The following ASB16 variants were observed in gnomAD, a reference collection of about 807,000 sequenced individuals.
ASB16 encodes ankyrin repeat and SOCS box containing 16, also known as ankyrin repeat and SOCS box protein 16.
Under a neutral mutation model 39.1 loss-of-function variants are expected in ASB16, and 44 were observed. The observed-to-expected ratio is 1.13, with a 90% CI of 0.88 to 1.45. The LOEUF is 1.45. Ranked by LOEUF, ASB16 falls within the 40% of genes most tolerant of loss-of-function variation. The pLI, the probability that ASB16 is intolerant of heterozygous loss-of-function variation, is 0.00. For synonymous variants in ASB16, 305 were observed against 286.7 expected, an observed-to-expected ratio of 1.06 and a Z score of -0.64; for missense variants, 698 against 634.5, an observed-to-expected ratio of 1.10 and a Z score of -1.07.
chr17:44,176,820 G>A lies in ASB16; in HGVS notation c.652G>A (p.Ala218Thr), dbSNP rs751695008. The A allele has an allele frequency of 6.2e-7, 1 of 1,613,042 alleles. No homozygotes were observed. Among genetic ancestry groups the A allele is most frequent in the East Asian group, 2.2e-5 (1 of 44,876 alleles). The change falls in exon 3 of 5, where the codon GCG becomes ACG. Residue 218 changes from alanine to threonine, a missense_variant. Physicochemically the swap from Ala to Thr is moderately conservative, Grantham distance 58. Transcript: ENST00000293414. Reference protein sequence around the residue: ...ESQETPLHVAAARGLEQHVAL... With the variant: ...ESQETPLHVATARGLEQHVAL... ...CCAGGAGACGCCCCTGCACGTGGCGGCGGCGCGCGGCCTGGAGCAACATGT... is the reference window on the plus strand; with the variant it reads ...CCAGGAGACGCCCCTGCACGTGGCGACGGCGCGCGGCCTGGAGCAACATGT...
chr17:44,177,487 GAA>G (rs1377508008), intron 3 of ASB16, 120 bp from the exon 4 acceptor site: 21 of 1,321,940 alleles, frequency 1.6e-5, no homozygotes, highest in Non-Finnish European at 2.1e-5. Context: ...ACAAAAAAGG[GAA>G]GAGAGACTCA....
At position 44,178,669 on chromosome 17, in the gene ASB16, A is replaced by ACCTGG. The variant is rs1402309792; in HGVS notation, c.*281_*282insTGGCC. The ACCTGG allele has an allele frequency of 8.9e-6, 4 of 447,032 alleles. No homozygotes were observed. The highest frequency in any genetic ancestry group is 1.6e-5 in the Non-Finnish European group (4 of 246,244). 27.7% of individuals were successfully genotyped at this position (447,032 alleles called of 1,614,324 possible). A position where few individuals can be genotyped will look rare whatever the true frequency, so the allele number is the denominator to read the frequency against. On this transcript the variant is annotated 3_prime_UTR_variant, in exon 5 of 5. Transcript: ENST00000293414. ...GTATTTTTAGTAGAGACAGGGTCTC[A>ACCTGG]CCATGTTGGCCAGGCTGGTCTCACA...
chr17:44,173,309 C>CTCAGAAG (rs2054258641), intron 2 of ASB16, among the ~76,000 whole-genome samples: 1 of 140,556 alleles, frequency 7.1e-6, no homozygotes. Context: ...AGGAGAATCG[C>CTCAGAAG]TTGAACCCGG....
In ASB16 at chr17:44,170,744, C is replaced by A. The variant is rs369796709; in HGVS notation, c.-46C>A. 2.7e-5 allele frequency: 41 copies of A among 1,531,600 alleles called. No homozygotes were observed. The African/African-American group carries it at 4.5e-4, about 17-fold the overall frequency. 94.9% of individuals were successfully genotyped at this position (1,531,600 alleles called of 1,614,324 possible). A position where few individuals can be genotyped will look rare whatever the true frequency, so the allele number is the denominator to read the frequency against. On this transcript the variant is annotated 5_prime_UTR_variant, in exon 1 of 5. Coordinates refer to ENST00000293414, the MANE Select transcript of ASB16 (RefSeq NM_080863.5). ...AAGGGAGGTAGTCGGGTCGAGGGAA[C>A]CTGGCTCTGCCCAGGTGCCACTGCC...
rs1433423724 is a variant in ASB16, at chr17:44,170,738, A to C, written c.-52A>C. The C allele has an allele frequency of 2.0e-6, 3 of 1,523,852 alleles. No individual in the cohort carries two copies. The highest frequency in any genetic ancestry group is 4.5e-5 in the East Asian group (2 of 44,176). 94.4% of individuals were successfully genotyped at this position (1,523,852 alleles called of 1,614,324 possible). ...CAGAGCAAGGGAGGTAGTCGGGTCGAGGGAACCTGGCTCTGCCCAGGTGCC... is the reference window on the plus strand; with the variant it reads ...CAGAGCAAGGGAGGTAGTCGGGTCGCGGGAACCTGGCTCTGCCCAGGTGCC... On this transcript the variant is annotated 5_prime_UTR_variant, in exon 1 of 5. Transcript: ENST00000293414.
intron 2 of ASB16, among the ~76,000 whole-genome samples, chr17:44,174,727 C>T (rs563786540): frequency 4.0e-4 from 61 of 152,224 alleles, no homozygotes; most frequent in African/African-American, 1.2e-3. Context: ...GTGTGCCTTC[C>T]AACAGACTTC....
intron 4 of ASB16, 52 bp downstream of exon 4, chr17:44,177,774 T>C (rs768022846): frequency 4.6e-5 from 73 of 1,598,512 alleles, no homozygotes; most frequent in East Asian, 1.1e-4. Flanking sequence ...CACAGGCCTA[T>C]TCCTTCAGGA....
chr17:44,175,263 A>G (rs1034607094), intron 2 of ASB16, among the ~76,000 whole-genome samples: 1 of 151,284 alleles, frequency 6.6e-6, no homozygotes, highest in African/African-American at 2.4e-5. Context: ...TTAGCCGGGC[A>G]TGGTGATGGG....
intron 2 of ASB16, among the ~76,000 whole-genome samples, chr17:44,175,685 TTCA>T (rs1020518797): frequency 6.6e-6 from 1 of 152,240 alleles, no homozygotes; most frequent in African/African-American, 2.4e-5. Flanking sequence ...TTAGTTTGGT[TTCA>T]TCATTATTAA....
intron 2 of ASB16, among the ~76,000 whole-genome samples, 162 bp downstream of exon 2, chr17:44,172,475 G>A (rs1426533370): frequency 6.6e-6 from 1 of 152,180 alleles, no homozygotes; most frequent in Non-Finnish European, 1.5e-5. Flanking sequence ...TCATCCTACA[G>A]ATGAGAAAAA....
intron 2 of ASB16, 25 bp downstream of exon 2, chr17:44,172,338 T>C: frequency 6.3e-7 from 1 of 1,579,912 alleles, no homozygotes; most frequent in Non-Finnish European, 8.5e-7. Context: ...GCTGAGACAG[T>C]TTGGGGAGAA....
intron 1 of ASB16, 104 bp downstream of exon 1, chr17:44,171,194 A>G: frequency 8.1e-7 from 1 of 1,238,160 alleles, no homozygotes; most frequent in Non-Finnish European, 1.1e-6. Context: ...CACAGACTAT[A>G]GCAGCCCTTT....
At chr17:44,177,521 G>A (rs550579310) in intron 3 of ASB16, 88 bp from the exon 4 acceptor site, 4 of 1,508,750 alleles carry the variant, frequency 2.7e-6, no homozygotes, top group East Asian at 4.6e-5. Context: ...CCCAGATTAG[G>A]CTAGGATTGG....
chr17:44,177,678 T>C lies in ASB16; in HGVS notation c.1132T>C (p.Ser378Pro). 1.2e-6 allele frequency: 2 copies of C among 1,613,794 alleles called. No homozygotes were observed. Among genetic ancestry groups the C allele is most frequent in the Non-Finnish European group, 1.7e-6 (2 of 1,179,810 alleles). Residue 378 changes from serine to proline, a missense_variant, in exon 4 of 5, where the codon TCC (serine) becomes CCC (proline). By Grantham distance (74) the Ser-to-Pro change is moderately conservative. Transcript: ENST00000293414. ...VLLNAYPCVP[S>P]CETWVEAVLP... ...GCTTAATGCCTATCCTTGTGTCCCA[T>C]CCTGTGAGACCTGGGTGGAGGCGGT...
rs375392717 is a variant in ASB16 at position 44,170,732 on chromosome 17, G to C, written c.-58G>C. 145 of 1,514,958 alleles carry C rather than the reference G, an allele frequency of 9.6e-5. No individual in the cohort carries two copies. In the East Asian group the frequency reaches 3.0e-3, roughly 32 times the overall value. 93.8% of individuals were successfully genotyped at this position (1,514,958 alleles called of 1,614,324 possible). On this transcript the variant is annotated 5_prime_UTR_variant, in exon 1 of 5. Coordinates refer to ENST00000293414, the MANE Select transcript of ASB16 (RefSeq NM_080863.5). ...GCTCCTCAGAGCAAGGGAGGTAGTC[G>C]GGTCGAGGGAACCTGGCTCTGCCCA...
At chr17:44,177,470 CAG>C in intron 3 of ASB16, 137 bp from the exon 4 acceptor site, 1 of 1,224,800 alleles carries the variant, frequency 8.2e-7, no homozygotes, top group Admixed American at 2.7e-5. Flanking sequence ...GTGGGGTAGA[CAG>C]AGGCACAAAA....
At chr17:44,175,592 G>C (rs1158091864) in intron 2 of ASB16, among the ~76,000 whole-genome samples, 1 of 152,124 alleles carries the variant, frequency 6.6e-6, no homozygotes, top group African/African-American at 2.4e-5. Flanking sequence ...AAGGGTATTT[G>C]ATTATCAGAG....
rs946350018 is a variant in ASB16, at chr17:44,178,085, C to T, written c.1177-120C>T. On this transcript the variant is annotated intron_variant, in intron 4 of 4. Transcript: ENST00000293414. ...GCCTCTATGGTTCTGAATCTGAGTC[C>T]TTTGAGACACATGAAACACCCAGGT... is the stretch of plus-strand genomic sequence containing the variant. The T allele has an allele frequency of 3.0e-5, 32 of 1,057,056 alleles. 1 individual carries two copies. The Middle Eastern group carries it at 1.7e-3, about 57-fold the overall frequency. The allele number at this position is 1,057,056 out of a possible 1,614,324, so 65.5% of individuals were successfully genotyped here.
chr17:44,173,803 G>C (rs1475320143), intron 2 of ASB16, among the ~76,000 whole-genome samples: 1 of 152,100 alleles, frequency 6.6e-6, no homozygotes, highest in African/African-American at 2.4e-5. Context: ...AACAGGGCGG[G>C]ACCCTGTCTT....
Sources: allele counts gnomAD v4.1 joint callset (sites outside exome capture counted in the v4.1 genomes callset), GRCh38; gene constraint gnomAD v4.1.1; transcripts MANE v1.5; gene names NCBI Gene and HGNC (gene_info 2026-07-23, HGNC 2026-07-21).